Variants in ZNF705A observed in about 807,000 individuals in gnomAD.
The protein encoded by ZNF705A is zinc finger protein 705A.
In ZNF705A, 8 loss-of-function variants were observed where a neutral mutation model predicts 16.6. The observed-to-expected ratio is 0.48, with a 90% CI of 0.28 to 0.87. The LOEUF (loss-of-function observed/expected upper bound fraction) is 0.87, where lower values mean the gene tolerates loss of function less well. ZNF705A is among the 40% of genes least tolerant of loss of function. The probability of loss-of-function intolerance (pLI) is 0.10; values close to 1 mark genes in which losing one functional copy is unlikely to be tolerated. For missense variants in ZNF705A, 233 were observed against 359.9 expected, an observed-to-expected ratio of 0.65 and a Z score of 2.85; for synonymous variants, 73 against 117.3, an observed-to-expected ratio of 0.62 and a Z score of 2.44.
upstream of ZNF705A, among the ~76,000 whole-genome samples, chr12:8,170,375 T>G (rs1405012630): frequency 2.0e-5 from 3 of 152,204 alleles, no homozygotes; most frequent in Non-Finnish European, 4.4e-5. Context: ...AAGTTTCTCC[T>G]AAAGATTGCT....
chr12:8,170,046 G>A (rs367944845), upstream of ZNF705A, among the ~76,000 whole-genome samples: 4 of 151,986 alleles, frequency 2.6e-5, no homozygotes, highest in East Asian at 1.9e-4. Context: ...AAAATTAGCC[G>A]AGCACGATGG....
At chr12:8,175,762 G>A in intron 3 of ZNF705A, 98 bp from the exon 5 acceptor site, 1 of 1,556,260 alleles carries the variant, frequency 6.4e-7, no homozygotes, top group South Asian at 1.1e-5. Context: ...CCACATCTAA[G>A]TGTCAACTTT....
At chr12:8,176,405 G>A (rs1223073275) in intron 4 of ZNF705A, among the ~76,000 whole-genome samples, 1 of 152,194 alleles carries the variant, frequency 6.6e-6, no homozygotes, top group Non-Finnish European at 1.5e-5. Context: ...CAAATTTAAA[G>A]GGGAAAGGGT....
chr12:8,159,083 T>C (rs1948332745), intron 1 of ZNF705A, among the ~76,000 whole-genome samples: 1 of 152,154 alleles, frequency 6.6e-6, no homozygotes, highest in Admixed American at 6.6e-5. Context: ...CATTCCTGAG[T>C]TGCTTCACTT....
intron 1 of ZNF705A, among the ~76,000 whole-genome samples, chr12:8,160,008 A>G (rs1429396135): frequency 6.6e-6 from 1 of 152,138 alleles, no homozygotes; most frequent in East Asian, 1.9e-4. Flanking sequence ...GTATAAAGTG[A>G]AAGATGGGGA....
At chr12:8,166,479 G>T (rs184369535) in intron 1 of ZNF705A, among the ~76,000 whole-genome samples, 5 of 152,298 alleles carry the variant, frequency 3.3e-5, no homozygotes, top group African/African-American at 1.2e-4. Context: ...AGTTCTGATG[G>T]TTTGATAAGG....
At chr12:8,163,905 G>GA (rs1555083183) in intron 1 of ZNF705A, among the ~76,000 whole-genome samples, 1 of 151,720 alleles carries the variant, frequency 6.6e-6, no homozygotes, top group Non-Finnish European at 1.5e-5. Context: ...CCCCCTTCTT[G>GA]TTTTTTTTAA....
intron 3 of ZNF705A, among the ~76,000 whole-genome samples, chr12:8,175,632 C>A (rs1458706473): frequency 1.3e-5 from 2 of 152,116 alleles, no homozygotes; most frequent in Non-Finnish European, 2.9e-5. Flanking sequence ...TATTTACCTG[C>A]CTGATATCTC....
chr12:8,160,838 T>A (rs1948348907), intron 1 of ZNF705A, among the ~76,000 whole-genome samples: 1 of 152,144 alleles, frequency 6.6e-6, no homozygotes. Flanking sequence ...TTCTGATTGC[T>A]CTGGCTAGGA....
intron 1 of ZNF705A, among the ~76,000 whole-genome samples, chr12:8,161,453 T>A (rs1041427770): frequency 3.4e-4 from 51 of 152,184 alleles, no homozygotes; most frequent in Admixed American, 3.0e-3. Context: ...GGTAATTTTT[T>A]AAATTACCAT....
upstream of ZNF705A, among the ~76,000 whole-genome samples, chr12:8,170,407 A>G (rs1362084959): frequency 6.6e-6 from 1 of 152,224 alleles, no homozygotes; most frequent in Non-Finnish European, 1.5e-5. Flanking sequence ...GTGTTTTAAA[A>G]TATATTTAAT....
At chr12:8,173,049 A>G (rs980710702) in intron 1 of ZNF705A, among the ~76,000 whole-genome samples, 22 of 152,354 alleles carry the variant, frequency 1.4e-4, no homozygotes, top group African/African-American at 5.3e-4. Context: ...TAGACTTAGG[A>G]TTGTGATGAA....
At chr12:8,172,024 G>A (rs766873900), upstream of ZNF705A, among the ~76,000 whole-genome samples, 63 of 152,198 alleles carry the variant, frequency 4.1e-4, no homozygotes, top group South Asian at 1.0e-3. Flanking sequence ...GGCATGAGCC[G>A]CCACACTCGA....
rs753028243 is a variant in ZNF705A at position 8,177,043 on chromosome 12, G to C, written c.363G>C (p.Ser121=). The change falls in exon 5 of 5, where the codon TCG becomes TCC. Residue 121 remains serine (S), a synonymous_variant. Coordinates refer to ENST00000359286, the Ensembl canonical transcript of ZNF705A. The stretch of plus-strand genomic sequence containing the variant: ...AGGATCCTTTTGAATGTAATGATTC[G>C]GGAGAAGATTGCACTCACAGTTCCA... 2.5e-6 allele frequency: 4 copies of C among 1,610,704 alleles called. No homozygotes were observed. The Admixed American group carries it at 5.0e-5, about 20-fold the overall frequency.
At chr12:8,177,273 G>C (rs764389145) in exon 5 of ZNF705A, 23 of 1,611,502 alleles carry the variant, frequency 1.4e-5, no homozygotes, top group Non-Finnish European at 1.9e-5. Flanking sequence ...ACTGGAGAGA[G>C]GCCATATGCA....
chr12:8,167,525 A>C (rs1330453162), intron 1 of ZNF705A, among the ~76,000 whole-genome samples: 1 of 152,194 alleles, frequency 6.6e-6, no homozygotes, highest in South Asian at 2.1e-4. Context: ...CCAGAGAAAG[A>C]GCATCTGAAG....
At chr12:8,169,669 A>G (rs1435897641), upstream of ZNF705A, among the ~76,000 whole-genome samples, 3 of 152,236 alleles carry the variant, frequency 2.0e-5, no homozygotes, top group Non-Finnish European at 2.9e-5. Flanking sequence ...AAAGACAGGC[A>G]AAAGAATATA....
intron 1 of ZNF705A, among the ~76,000 whole-genome samples, chr12:8,172,859 G>A (rs1948455935): frequency 6.6e-6 from 1 of 152,168 alleles, no homozygotes; most frequent in Non-Finnish European, 1.5e-5. Context: ...GGTATCGTGT[G>A]TCAAAGACTC....
Position 8,176,934 on chromosome 12 carries a change from T to C in ZNF705A, c.319-65T>C, listed in dbSNP as rs1591626215. ...GAATGTTTGGTCTAGGATTCAAAGG[T>C]AGTGAAATGAATGTATAGATATATG... On this transcript the variant is annotated intron_variant, in intron 4 of 4. Coordinates refer to ENST00000359286, the Ensembl canonical transcript of ZNF705A. 50 of 1,564,404 alleles carry C rather than the reference T, an allele frequency of 3.2e-5. No homozygotes were observed. The East Asian group carries it at 1.1e-3, about 34-fold the overall frequency.
Sources: gnomAD v4.1 joint callset for allele counts (sites outside exome capture counted in the v4.1 genomes callset) on GRCh38, gnomAD v4.1.1 for gene constraint, MANE v1.5 for transcripts, NCBI Gene and HGNC (gene_info 2026-07-23, HGNC 2026-07-21) for gene names.